Variants in MYO1E observed in about 807,000 individuals in gnomAD.
MYO1E encodes myosin IE, also known as unconventional myosin-Ie.
MYO1E carries 68 observed loss-of-function variants against 151.1 expected under a neutral mutation model. That is an observed-to-expected ratio of 0.45 (90% CI 0.37 to 0.55). MYO1E has a LOEUF of 0.55. Among genes scored for constraint, MYO1E ranks in the 20% least tolerant of loss-of-function variants. The pLI, the probability that MYO1E is intolerant of heterozygous loss-of-function variation, is 0.00. For missense variants in MYO1E, 1,363 were observed against 1,389.3 expected, an observed-to-expected ratio of 0.98 and a Z score of 0.30; for synonymous variants, 601 against 501.7, an observed-to-expected ratio of 1.20 and a Z score of -2.64.
chr15:59,202,136 C>T (rs2079806035), intron 16 of MYO1E, among the ~76,000 whole-genome samples, 190 bp downstream of exon 16: 1 of 152,116 alleles, frequency 6.6e-6, no homozygotes, highest in Admixed American at 6.6e-5. Context: ...TTTAAGGTTT[C>T]GGTACAGCCA....
At chr15:59,231,618 A>T in intron 6 of MYO1E, 84 bp downstream of exon 6, 1 of 1,421,848 alleles carries the variant, frequency 7.0e-7, no homozygotes. Context: ...AAAGGCTCCC[A>T]TTTCCTGTGG....
At chr15:59,212,129 T>C (rs1199361951) in intron 12 of MYO1E, among the ~76,000 whole-genome samples, 6 of 152,092 alleles carry the variant, frequency 3.9e-5, no homozygotes, top group Admixed American at 1.3e-4. Flanking sequence ...CACTGGCTAT[T>C]GCACTCTTAC....
intron 15 of MYO1E, among the ~76,000 whole-genome samples, chr15:59,202,961 G>T (rs1214761517): frequency 3.3e-5 from 5 of 152,278 alleles, no homozygotes; most frequent in African/African-American, 4.8e-5. Flanking sequence ...TCCCAGGCTG[G>T]TCTCAAACAA....
At chr15:59,198,011 G>T (rs1248699225) in intron 16 of MYO1E, among the ~76,000 whole-genome samples, 1 of 152,112 alleles carries the variant, frequency 6.6e-6, no homozygotes, top group Non-Finnish European at 1.5e-5. Context: ...GGAAGCACAT[G>T]CCACCACACC....
At chr15:59,240,773 A>T (rs28390154) in intron 4 of MYO1E, among the ~76,000 whole-genome samples, 11,979 of 152,238 alleles carry the variant, frequency 0.079, 1,272 homozygotes, top group African/African-American at 0.24. Context: ...CGTAATTGAA[A>T]TATCACTTTT....
chr15:59,216,017 T>C lies in MYO1E; in HGVS notation c.1108-1297A>G, dbSNP rs75555171. ...ACCCTGACCTTCCCAAGCAATGTTA[T>C]CCTTTAAATAGCCACTAAAGTACCT... On this transcript the variant is annotated intron_variant, in intron 10 of 27. Coordinates refer to ENST00000288235, the MANE Select transcript of MYO1E (RefSeq NM_004998.4). Among the ~76,000 whole-genome samples the C allele has an allele frequency of 8.2e-3, 1,249 of 152,254 alleles. 10 individuals are homozygous for C. The highest frequency in any genetic ancestry group is 0.029 in the African/African-American group (1,199 of 41,528).
chr15:59,171,799 G>T (rs1452272114), intron 22 of MYO1E, 98 bp downstream of exon 22: 2 of 1,490,088 alleles, frequency 1.3e-6, no homozygotes, highest in East Asian at 2.3e-5. Flanking sequence ...TTGACAGCTG[G>T]GAAGCCCAGC....
intron 1 of MYO1E, among the ~76,000 whole-genome samples, chr15:59,287,877 A>C (rs544440456): frequency 6.6e-6 from 1 of 152,310 alleles, no homozygotes; most frequent in African/African-American, 2.4e-5. Context: ...CCTCAACTAG[A>C]AGGAGTGGAT....
In MYO1E at chr15:59,238,170, C is replaced by T. The variant is rs148614643; in HGVS notation, c.333-1498G>A. On this transcript the variant is annotated intron_variant, in intron 4 of 27. Coordinates refer to ENST00000288235, the MANE Select transcript of MYO1E (RefSeq NM_004998.4). ...GCTTACTCACAGGCAGCAACTAGGT[C>T]GGGCAAATTCAACTCCATGGGGAAA... Among the ~76,000 whole-genome samples the T allele has an allele frequency of 5.1e-3, 783 of 152,244 alleles. 3 individuals are homozygous for T. The highest frequency in any genetic ancestry group is 8.7e-3 in the Non-Finnish European group (591 of 68,012).
chr15:59,274,489 A>C (rs2080306599), intron 1 of MYO1E, among the ~76,000 whole-genome samples: 1 of 152,190 alleles, frequency 6.6e-6, no homozygotes, highest in Admixed American at 6.5e-5. Flanking sequence ...TACTCTGCAC[A>C]GAAAACTAGG....
At chr15:59,343,691 T>C (rs1157834255) in intron 1 of MYO1E, among the ~76,000 whole-genome samples, 11 of 151,976 alleles carry the variant, frequency 7.2e-5, no homozygotes, top group African/African-American at 2.7e-4. Context: ...GCTTCATTCT[T>C]TTTTATTCTT....
chr15:59,338,615 C>T (rs544318901), intron 1 of MYO1E, among the ~76,000 whole-genome samples: 8 of 152,280 alleles, frequency 5.3e-5, no homozygotes, highest in African/African-American at 1.7e-4. Context: ...CTCCAACCAC[C>T]CTGCTAAGCT....
At chr15:59,286,646 G>A (rs2080389369) in intron 1 of MYO1E, among the ~76,000 whole-genome samples, 1 of 152,134 alleles carries the variant, frequency 6.6e-6, no homozygotes, top group Non-Finnish European at 1.5e-5. Context: ...CGGAGTCCAG[G>A]GAAACAAGCC....
chr15:59,252,288 T>C (rs2080169324), intron 4 of MYO1E, among the ~76,000 whole-genome samples: 1 of 152,166 alleles, frequency 6.6e-6, no homozygotes, highest in Admixed American at 6.6e-5. Flanking sequence ...CCCATTAAAA[T>C]GAACCAAGGC....
Position 59,133,371 on chromosome 15 carries a change from GA to G in MYO1E, c.*4008del, listed in dbSNP as rs1348205036. ...TGGGTGACAAAGTGAGGTGCTGTCTGAAAATAAAAACGCACAGGCCTTTGAC... is the reference window on the plus strand; with the variant it reads ...TGGGTGACAAAGTGAGGTGCTGTCTGAAATAAAAACGCACAGGCCTTTGAC... On this transcript the variant is annotated 3_prime_UTR_variant, in exon 28 of 28. Transcript: ENST00000288235. 36 of 152,070 alleles carry G rather than the reference GA, an allele frequency of 2.4e-4. No homozygotes were observed. The highest frequency in any genetic ancestry group is 8.4e-4 in the African/African-American group (35 of 41,480). 9.4% of individuals were successfully genotyped at this position (152,070 alleles called of 1,614,324 possible).
chr15:59,178,872 G>C (rs1182246718), intron 18 of MYO1E, among the ~76,000 whole-genome samples: 1 of 152,134 alleles, frequency 6.6e-6, no homozygotes, highest in African/African-American at 2.4e-5. Context: ...AAAATCAAAC[G>C]GTCTTGTCTC....
chr15:59,218,759 T>C (rs2079935469), intron 9 of MYO1E, among the ~76,000 whole-genome samples: 1 of 152,166 alleles, frequency 6.6e-6, no homozygotes, highest in Non-Finnish European at 1.5e-5. Flanking sequence ...ATATTACTAC[T>C]TGCTGGGGTA....
intron 1 of MYO1E, among the ~76,000 whole-genome samples, chr15:59,289,731 G>C (rs537309737): frequency 6.6e-6 from 1 of 152,168 alleles, no homozygotes; most frequent in Non-Finnish European, 1.5e-5. Flanking sequence ...AGCATTTCAA[G>C]GTGTTCCTTC....
At chr15:59,156,854 T>C (rs2079512141) in intron 25 of MYO1E, among the ~76,000 whole-genome samples, 1 of 152,204 alleles carries the variant, frequency 6.6e-6, no homozygotes, top group Non-Finnish European at 1.5e-5. Flanking sequence ...CTGCAAACAC[T>C]ACACAGATTT....
Sources: allele counts gnomAD v4.1 joint callset (sites outside exome capture counted in the v4.1 genomes callset), GRCh38; gene constraint gnomAD v4.1.1; transcripts MANE v1.5; gene names NCBI Gene and HGNC (gene_info 2026-07-23, HGNC 2026-07-21).